Variants in ITIH5 observed in about 807,000 individuals in gnomAD.
ITIH5 encodes inter-alpha-trypsin inhibitor heavy chain H5.
In ITIH5, 65 loss-of-function variants were observed where a neutral mutation model predicts 77.5. The observed-to-expected ratio is 0.84, with a 90% CI of 0.69 to 1.03. The LOEUF (loss-of-function observed/expected upper bound fraction) is 1.03. Ranked by LOEUF, ITIH5 falls within the 50% of genes least tolerant of loss-of-function variation. The pLI, the probability that ITIH5 is intolerant of heterozygous loss-of-function variation, is 0.00. For synonymous variants in ITIH5, 525 were observed against 494.3 expected, an observed-to-expected ratio of 1.06 and a Z score of -0.82; for missense variants, 1,208 against 1,213.1, an observed-to-expected ratio of 1.00 and a Z score of 0.06.
rs1301082072 is a variant in ITIH5 at position 7,590,038 on chromosome 10, T to C, written c.940-3969A>G. Among the ~76,000 whole-genome samples, 4 of 78,478 alleles carry C rather than the reference T, an allele frequency of 5.1e-5. No individual in the cohort carries two copies. In the East Asian group the frequency reaches 2.9e-3, roughly 57 times the overall value. 51.5% of individuals were successfully genotyped at this position (78,478 alleles called of 152,430 possible). On this transcript the variant is annotated intron_variant, in intron 7 of 13. Transcript: ENST00000397146. The stretch of plus-strand genomic sequence containing the variant: ...TGGTGCCAACTACCATCGTCATCTG[T>C]GAACTTCCAGACTTATCTCTGGAGC...
At chr10:7,615,952 G>C (rs1833355245) in intron 7 of ITIH5, 30 bp downstream of exon 7, 1 of 1,312,168 alleles carries the variant, frequency 7.6e-7, no homozygotes, top group Non-Finnish European at 1.1e-6. Flanking sequence ...AAGCGAGAGA[G>C]GAATAAATGG....
chr10:7,579,654 C>G, intron 9 of ITIH5, 101 bp downstream of exon 9: 1 of 1,207,198 alleles, frequency 8.3e-7, no homozygotes, highest in South Asian at 1.3e-5. Context: ...TCAGCAGATG[C>G]AAGGCTGGGG....
chr10:7,660,769 T>C (rs1207764946), intron 1 of ITIH5, among the ~76,000 whole-genome samples: 1 of 152,224 alleles, frequency 6.6e-6, no homozygotes, highest in East Asian at 1.9e-4. Flanking sequence ...AGCCTAATTC[T>C]TGAGCACAGA....
At chr10:7,632,078 C>T (rs1328132319) in intron 5 of ITIH5, among the ~76,000 whole-genome samples, 1 of 151,924 alleles carries the variant, frequency 6.6e-6, no homozygotes, top group African/African-American at 2.4e-5. Flanking sequence ...GGATTACAGG[C>T]ATGAACCACT....
intron 2 of ITIH5, among the ~76,000 whole-genome samples, chr10:7,653,557 T>C (rs758667964): frequency 3.3e-5 from 5 of 152,122 alleles, no homozygotes; most frequent in Non-Finnish European, 5.9e-5. Flanking sequence ...GAATTAAAAA[T>C]ACCCACATAA....
At position 7,559,876 on chromosome 10, in the gene ITIH5, G is replaced by A; in HGVS notation, c.*3207C>T. ...TGTTTTGTTTTGTTTTTTTTTGACG[G>A]AGTTTGGCTCTGTCACTCCAGCTGG... On this transcript the variant is annotated 3_prime_UTR_variant, in exon 14 of 14. Transcript: ENST00000397146. The A allele has an allele frequency of 2.2e-6, 1 of 453,520 alleles. No individual in the cohort carries two copies. Among genetic ancestry groups the A allele is most frequent in the Non-Finnish European group, 4.4e-6 (1 of 226,454 alleles). The allele number at this position is 453,520 out of a possible 1,614,324, so 28.1% of individuals were successfully genotyped here. A position where few individuals can be genotyped will look rare whatever the true frequency, so the allele number is the denominator to read the frequency against.
chr10:7,624,300 G>A lies in ITIH5; in HGVS notation c.653-7018C>T, dbSNP rs191847726. On this transcript the variant is annotated intron_variant, in intron 5 of 13. Coordinates refer to ENST00000397146, the MANE Select transcript of ITIH5 (RefSeq NM_030569.7). ...AGGTAGGCAGATCACCTGAGGTGGG[G>A]AGGTCGAGACCAGCCTGACCAACAT... is the stretch of plus-strand genomic sequence containing the variant. Among the ~76,000 whole-genome samples the A allele has an allele frequency of 1.0e-3, 154 of 151,576 alleles. No homozygotes were observed. The East Asian group carries it at 0.011, about 11-fold the overall frequency.
At chr10:7,595,620 A>G (rs941892017) in intron 7 of ITIH5, among the ~76,000 whole-genome samples, 1 of 152,234 alleles carries the variant, frequency 6.6e-6, no homozygotes, top group Non-Finnish European at 1.5e-5. Flanking sequence ...ACTATCTTAG[A>G]AGTCCATTCC....
chr10:7,601,656 T>A (rs541143327), intron 7 of ITIH5, among the ~76,000 whole-genome samples: 31 of 152,186 alleles, frequency 2.0e-4, no homozygotes, highest in African/African-American at 7.0e-4. Context: ...CAGGAATGCA[T>A]GTGAACACCC....
At chr10:7,640,639 AG>A in intron 4 of ITIH5, 114 bp downstream of exon 4, 1 of 663,280 alleles carries the variant, frequency 1.5e-6, no homozygotes, top group Non-Finnish European at 2.7e-6. Flanking sequence ...TTGATAAAAA[AG>A]AAAGAGAAAA....
intron 7 of ITIH5, among the ~76,000 whole-genome samples, chr10:7,612,049 G>T (rs1333832292): frequency 6.6e-6 from 1 of 151,702 alleles, no homozygotes; most frequent in African/African-American, 2.4e-5. Context: ...AAATGTTTTT[G>T]GAATGTGTAC....
intron 7 of ITIH5, among the ~76,000 whole-genome samples, chr10:7,590,981 C>T (rs906645341): frequency 1.8e-4 from 27 of 152,236 alleles, no homozygotes; most frequent in African/African-American, 6.3e-4. Context: ...ACTGCAACCT[C>T]CGCCTCCCGG....
At chr10:7,573,097 C>T (rs1564236572) in intron 11 of ITIH5, 45 bp downstream of exon 11, 1 of 1,574,852 alleles carries the variant, frequency 6.3e-7, no homozygotes, top group Non-Finnish European at 8.7e-7. Context: ...ACTTTTTAAA[C>T]ATCTCTTACT....
At chr10:7,657,525 C>T (rs560649462) in intron 1 of ITIH5, among the ~76,000 whole-genome samples, 2 of 152,026 alleles carry the variant, frequency 1.3e-5, no homozygotes, top group South Asian at 4.2e-4. Context: ...AAAACAATTG[C>T]TCATAATTAG....
chr10:7,639,098 G>C (rs1297800326), intron 4 of ITIH5, among the ~76,000 whole-genome samples: 1 of 152,156 alleles, frequency 6.6e-6, no homozygotes, highest in Non-Finnish European at 1.5e-5. Flanking sequence ...TTGTGATAAA[G>C]ACCACTTGGG....
At chr10:7,649,753 G>C (rs892002685) in intron 2 of ITIH5, among the ~76,000 whole-genome samples, 9 of 152,174 alleles carry the variant, frequency 5.9e-5, no homozygotes, top group Admixed American at 1.3e-4. Context: ...CTAGAAAAGA[G>C]AGCATGCTGT....
intron 5 of ITIH5, among the ~76,000 whole-genome samples, chr10:7,632,517 A>C (rs1345280814): frequency 2.0e-5 from 3 of 152,250 alleles, no homozygotes; most frequent in Non-Finnish European, 4.4e-5. Context: ...AAAATCATAC[A>C]ACCACACCTG....
At chr10:7,658,064 A>C (rs1396212819) in intron 1 of ITIH5, among the ~76,000 whole-genome samples, 1 of 152,250 alleles carries the variant, frequency 6.6e-6, no homozygotes, top group Non-Finnish European at 1.5e-5. Flanking sequence ...CACAATTTTA[A>C]GTGATGAAAT....
intron 8 of ITIH5, among the ~76,000 whole-genome samples, chr10:7,581,333 T>G (rs555063412): frequency 6.6e-6 from 1 of 152,118 alleles, no homozygotes; most frequent in Non-Finnish European, 1.5e-5. Context: ...AAGAAAAATT[T>G]TATCAGGAAT....
Sources: gnomAD v4.1 joint callset for allele counts (sites outside exome capture counted in the v4.1 genomes callset) on GRCh38, gnomAD v4.1.1 for gene constraint, MANE v1.5 for transcripts, NCBI Gene and HGNC (gene_info 2026-07-23, HGNC 2026-07-21) for gene names.